KCNN2: variants seen among roughly 807,000 people sequenced by gnomAD.
The protein encoded by KCNN2 is potassium calcium-activated channel subfamily N member 2.
KCNN2 carries 24 observed loss-of-function variants against 55.5 expected under a neutral mutation model. That is an observed-to-expected ratio of 0.43 (90% CI 0.31 to 0.61). KCNN2 has a LOEUF of 0.61. Ranked by LOEUF, KCNN2 falls within the 20% of genes least tolerant of loss-of-function variation. The probability of loss-of-function intolerance (pLI) is 0.08; values close to 1 mark genes in which losing one functional copy is unlikely to be tolerated. For synonymous variants in KCNN2, 431 were observed against 336.1 expected (o/e 1.28, Z -3.09); for missense variants, 754 against 853.6 (o/e 0.88, Z 1.45).
chr5:114,387,137 G>C (rs1426337277), intron 2 of KCNN2, among the ~76,000 whole-genome samples: 1 of 152,108 alleles, frequency 6.6e-6, no homozygotes, highest in Non-Finnish European at 1.5e-5. Flanking sequence ...TATTTGTCTG[G>C]TTCTGAATCC....
intron 1 of KCNN2, among the ~76,000 whole-genome samples, chr5:114,210,404 C>G (rs747394224): frequency 1.2e-4 from 19 of 152,150 alleles, no homozygotes; most frequent in Admixed American, 1.2e-3. Flanking sequence ...TGTATTTCCC[C>G]TAGAAGCAGT....
At chr5:114,108,733 T>G (rs9326910) in intron 1 of KCNN2, among the ~76,000 whole-genome samples, 2,547 of 152,200 alleles carry the variant, frequency 0.017, 83 homozygotes, top group African/African-American at 0.057. Context: ...TAATATGCCA[T>G]TGAGTGAATA....
chr5:114,244,603 TG>T (rs1754714845), intron 2 of KCNN2, among the ~76,000 whole-genome samples: 1 of 119,280 alleles, frequency 8.4e-6, no homozygotes, highest in African/African-American at 3.3e-5. Flanking sequence ...GGGGCGGGCA[TG>T]GGGGGTTATT....
intron 1 of KCNN2, among the ~76,000 whole-genome samples, chr5:114,185,620 T>C (rs1417664203): frequency 6.6e-6 from 1 of 152,224 alleles, no homozygotes; most frequent in Non-Finnish European, 1.5e-5. Context: ...TACTCACCCT[T>C]TAAACCATCT....
chr5:114,213,079 A>G (rs1753922009), intron 1 of KCNN2, among the ~76,000 whole-genome samples: 1 of 152,000 alleles, frequency 6.6e-6, no homozygotes, highest in Non-Finnish European at 1.5e-5. Flanking sequence ...AGACCACGAA[A>G]CCAATGGAAA....
intron 1 of KCNN2, among the ~76,000 whole-genome samples, chr5:114,061,577 G>A (rs932132577): frequency 6.6e-6 from 1 of 151,964 alleles, no homozygotes; most frequent in Non-Finnish European, 1.5e-5. Context: ...GATCTAGTTT[G>A]CCACCTTTGT....
chr5:114,455,057 G>C lies in KCNN2; in HGVS notation c.1638-7992G>C, dbSNP rs960924664. ...TATTCAATTTTCTATCCTTTATTGA[G>C]TTATCAGCTATTCTTTTTCAATGTG... On this transcript the variant is annotated intron_variant, in intron 3 of 7. Coordinates refer to ENST00000673685, the MANE Select transcript of KCNN2 (RefSeq NM_021614.4). Among the ~76,000 whole-genome samples, 28 of 151,714 alleles carry C rather than the reference G, an allele frequency of 1.8e-4. 1 individual carries two copies. The highest frequency in any genetic ancestry group is 2.6e-4 in the Admixed American group (4 of 15,236).
chr5:114,213,515 T>C (rs1580625136), intron 1 of KCNN2, among the ~76,000 whole-genome samples: 1 of 152,084 alleles, frequency 6.6e-6, no homozygotes, highest in South Asian at 2.1e-4. Flanking sequence ...GATTTTATAA[T>C]TTGCATTCCT....
intron 2 of KCNN2, among the ~76,000 whole-genome samples, chr5:114,283,373 T>C (rs1755664089): frequency 6.6e-6 from 1 of 152,184 alleles, no homozygotes; most frequent in South Asian, 2.1e-4. Flanking sequence ...AGTTCTATTA[T>C]TTCTAGTTCA....
chr5:114,273,948 C>T (rs1404137909), intron 2 of KCNN2, among the ~76,000 whole-genome samples: 1 of 152,132 alleles, frequency 6.6e-6, no homozygotes, highest in Non-Finnish European at 1.5e-5. Flanking sequence ...AATGGTATTG[C>T]CCAGGTTTTC....
At chr5:114,139,338 G>A (rs1243565361) in intron 1 of KCNN2, among the ~76,000 whole-genome samples, 1 of 151,964 alleles carries the variant, frequency 6.6e-6, no homozygotes, top group Non-Finnish European at 1.5e-5. Context: ...GACTGTGTAA[G>A]TGCTCTAATG....
intron 1 of KCNN2, among the ~76,000 whole-genome samples, chr5:114,112,880 A>C (rs559967403): frequency 3.3e-5 from 5 of 152,196 alleles, no homozygotes; most frequent in Middle Eastern, 3.4e-3. Flanking sequence ...ATCTTTTTGC[A>C]TCCTCTCAGT....
intron 2 of KCNN2, among the ~76,000 whole-genome samples, chr5:114,240,362 AC>A (rs1754592358): frequency 6.6e-6 from 1 of 151,816 alleles, no homozygotes; most frequent in Admixed American, 6.6e-5. Flanking sequence ...TGATAGAAAA[AC>A]ATATAAAAAT....
rs7712361 is a variant in KCNN2, at chr5:114,293,673, C to T, written c.-184-67272C>T. Among the ~76,000 whole-genome samples the T allele has an allele frequency of 6.5e-3, 990 of 152,208 alleles. 19 individuals are homozygous for T. The highest frequency in any genetic ancestry group is 0.022 in the African/African-American group (907 of 41,528). ...ATTCTCTTTTTTTGTTGTGTCTCTG[C>T]GAGGCTTTGGTATCAGGATGATGCT... On this transcript the variant is annotated intron_variant, in intron 2 of 10. Coordinates refer to the KCNN2 transcript ENST00000512097.
intron 2 of KCNN2, among the ~76,000 whole-genome samples, chr5:114,366,468 T>C (rs904127694): frequency 1.2e-4 from 19 of 152,206 alleles, no homozygotes; most frequent in African/African-American, 4.6e-4. Flanking sequence ...TCCTTTAAGC[T>C]GAAGCTCCAA....
At chr5:114,467,306 A>G (rs1761498753) in intron 4 of KCNN2, among the ~76,000 whole-genome samples, 2 of 152,324 alleles carry the variant, frequency 1.3e-5, no homozygotes, top group South Asian at 2.1e-4. Flanking sequence ...CTCTGTTTCC[A>G]TTTGAGGATT....
intron 1 of KCNN2, among the ~76,000 whole-genome samples, chr5:114,147,959 A>G (rs1752433675): frequency 6.6e-6 from 1 of 152,160 alleles, no homozygotes; most frequent in Non-Finnish European, 1.5e-5. Flanking sequence ...ATTCATCTTT[A>G]GTAGGAGCAG....
chr5:114,493,851 A>G (rs543617556), intron 7 of KCNN2, among the ~76,000 whole-genome samples: 3 of 152,276 alleles, frequency 2.0e-5, no homozygotes, highest in South Asian at 4.1e-4. Flanking sequence ...GGACTCATCA[A>G]TTAAATTTTG....
chr5:114,212,090 G>C (rs1019640778), intron 1 of KCNN2, among the ~76,000 whole-genome samples: 4 of 151,814 alleles, frequency 2.6e-5, no homozygotes, highest in African/African-American at 7.3e-5. Flanking sequence ...CAGTCATAAT[G>C]CCAATGAAGA....
Sources: allele counts gnomAD v4.1 joint callset (sites outside exome capture counted in the v4.1 genomes callset), GRCh38; gene constraint gnomAD v4.1.1; transcripts MANE v1.5; gene names NCBI Gene and HGNC (gene_info 2026-07-23, HGNC 2026-07-21).